GPC6: variants seen among roughly 807,000 people sequenced by gnomAD.
GPC6 encodes glypican 6.
GPC6 carries 14 observed loss-of-function variants against 55.2 expected under a neutral mutation model. That is an observed-to-expected ratio of 0.25 (90% CI 0.17 to 0.40). The LOEUF (loss-of-function observed/expected upper bound fraction) is 0.40. GPC6 is among the 10% of genes least tolerant of loss of function. The pLI, the probability that GPC6 is intolerant of heterozygous loss-of-function variation, is 1.00. For missense variants in GPC6, 641 were observed against 708.5 expected (o/e 0.90, Z 1.08); for synonymous variants, 278 against 259.6 (o/e 1.07, Z -0.68).
At chr13:93,915,918 G>A (rs1304716021) in intron 3 of GPC6, among the ~76,000 whole-genome samples, 1 of 152,126 alleles carries the variant, frequency 6.6e-6, no homozygotes, top group Non-Finnish European at 1.5e-5. Context: ...GAAGTGTCCT[G>A]GAAGTGCCGG....
chr13:93,678,325 A>G (rs1881723963), intron 2 of GPC6, among the ~76,000 whole-genome samples: 1 of 152,184 alleles, frequency 6.6e-6, no homozygotes, highest in Non-Finnish European at 1.5e-5. Context: ...GTCTCTTTTA[A>G]TAATTCAGTA....
intron 3 of GPC6, among the ~76,000 whole-genome samples, chr13:93,975,683 T>G (rs1411326090): frequency 6.6e-6 from 1 of 152,184 alleles, no homozygotes; most frequent in Non-Finnish European, 1.5e-5. Context: ...GATCCTGGTG[T>G]ATATGTTTCA....
intron 2 of GPC6, among the ~76,000 whole-genome samples, chr13:93,803,387 C>T (rs6416428): frequency 0.33 from 50,591 of 151,796 alleles, 8,895 homozygotes; most frequent in African/African-American, 0.44. Context: ...GTATAAGATA[C>T]CTTTTCCTAC....
chr13:93,323,719 G>T (rs541219785), intron 1 of GPC6, among the ~76,000 whole-genome samples: 4 of 152,322 alleles, frequency 2.6e-5, no homozygotes, highest in Non-Finnish European at 5.9e-5. Flanking sequence ...TTAGAGTTTG[G>T]TAGGAGACAG....
At chr13:93,916,324 G>A (rs749231848) in intron 3 of GPC6, among the ~76,000 whole-genome samples, 4 of 152,094 alleles carry the variant, frequency 2.6e-5, no homozygotes, top group Non-Finnish European at 5.9e-5. Context: ...GCATAAATCG[G>A]CACTTCTTGC....
intron 2 of GPC6, among the ~76,000 whole-genome samples, chr13:93,822,800 A>G: frequency 6.6e-6 from 1 of 150,912 alleles, no homozygotes; most frequent in South Asian, 2.1e-4. Context: ...GATCCATAGT[A>G]TTCCATGGTG....
chr13:93,493,693 A>T (rs1346950582), intron 1 of GPC6, among the ~76,000 whole-genome samples: 1 of 136,264 alleles, frequency 7.3e-6, no homozygotes, highest in Non-Finnish European at 1.6e-5. Flanking sequence ...CACTGCATTG[A>T]ATGCGTCCCA....
intron 2 of GPC6, among the ~76,000 whole-genome samples, chr13:93,687,352 A>G (rs1333837910): frequency 3.3e-5 from 5 of 152,104 alleles, no homozygotes; most frequent in Admixed American, 3.3e-4. Context: ...TGTTGCCTTT[A>G]AAAGTAATGG....
rs143523075 is a variant in GPC6 at position 94,075,272 on chromosome 13, T to C, written c.877+47378T>C. 3.7e-4 allele frequency among the ~76,000 whole-genome samples: 57 copies of C among 152,328 alleles called. 1 individual carries two copies. The East Asian group carries it at 0.011, about 29-fold the overall frequency. On this transcript the variant is annotated intron_variant, in intron 4 of 8. Coordinates refer to ENST00000377047, the MANE Select transcript of GPC6 (RefSeq NM_005708.5). ...CAGCTTTACTGAGATAATACTGATA[T>C]ATAAAACACTGCACGTTTAATGAAC...
At chr13:93,615,216 T>C (rs1228436110) in intron 2 of GPC6, among the ~76,000 whole-genome samples, 1 of 152,164 alleles carries the variant, frequency 6.6e-6, no homozygotes, top group Non-Finnish European at 1.5e-5. Context: ...AGGTTTTCTT[T>C]CAAAACTACT....
chr13:93,626,252 G>A (rs1047533482), intron 2 of GPC6, among the ~76,000 whole-genome samples: 4 of 152,088 alleles, frequency 2.6e-5, no homozygotes, highest in Non-Finnish European at 4.4e-5. Context: ...AATATGAGAC[G>A]TCTTGTTTCA....
chr13:93,795,708 T>C (rs942240156), intron 2 of GPC6, among the ~76,000 whole-genome samples: 1 of 152,166 alleles, frequency 6.6e-6, no homozygotes, highest in East Asian at 1.9e-4. Context: ...ATTTCAAATA[T>C]CTAGTTCACA....
At chr13:93,440,518 C>T (rs1486392232) in intron 1 of GPC6, among the ~76,000 whole-genome samples, 1 of 152,162 alleles carries the variant, frequency 6.6e-6, no homozygotes, top group African/African-American at 2.4e-5. Flanking sequence ...TTACCAAGTA[C>T]CCAGGCACCT....
intron 2 of GPC6, among the ~76,000 whole-genome samples, chr13:93,714,791 C>T (rs566811663): frequency 6.6e-6 from 1 of 151,430 alleles, no homozygotes; most frequent in Admixed American, 6.6e-5. Context: ...GGTCTTAGGT[C>T]GGCAGTGTTA....
At chr13:94,334,435 C>T (rs1027060730) in intron 6 of GPC6, among the ~76,000 whole-genome samples, 2 of 152,158 alleles carry the variant, frequency 1.3e-5, no homozygotes, top group Non-Finnish European at 2.9e-5. Flanking sequence ...AAGTAGAGTG[C>T]AGGTATCAAT....
chr13:94,394,464 C>CA (rs1450487083), intron 7 of GPC6, among the ~76,000 whole-genome samples: 4 of 152,128 alleles, frequency 2.6e-5, no homozygotes, highest in Non-Finnish European at 2.9e-5. Flanking sequence ...GCTGTCATGT[C>CA]AAAAAACTGT....
intron 4 of GPC6, among the ~76,000 whole-genome samples, chr13:94,273,193 A>G (rs781399948): frequency 5.3e-4 from 81 of 152,316 alleles, no homozygotes; most frequent in Non-Finnish European, 1.0e-3. Flanking sequence ...ACAAAGGTTA[A>G]GTAAGTTGCC....
intron 3 of GPC6, among the ~76,000 whole-genome samples, chr13:93,921,974 G>A (rs2140346121): frequency 6.6e-6 from 1 of 151,746 alleles, no homozygotes; most frequent in Non-Finnish European, 1.5e-5. Context: ...TTCCTTGAGG[G>A]ATATAAAAAT....
At chr13:93,556,440 G>T (rs1875485497) in intron 2 of GPC6, among the ~76,000 whole-genome samples, 1 of 132,690 alleles carries the variant, frequency 7.5e-6, no homozygotes, top group Non-Finnish European at 1.6e-5. Context: ...ATATTTTGGG[G>T]GTACATGAGA....
Sources: gnomAD v4.1 joint callset for allele counts (sites outside exome capture counted in the v4.1 genomes callset) on GRCh38, gnomAD v4.1.1 for gene constraint, MANE v1.5 for transcripts, NCBI Gene and HGNC (gene_info 2026-07-23, HGNC 2026-07-21) for gene names.